ELAVL1: variants seen among roughly 807,000 people sequenced by gnomAD.
The protein encoded by ELAVL1 is ELAV like RNA binding protein 1.
Under a neutral mutation model 28.4 loss-of-function variants are expected in ELAVL1, and 1 was observed. The observed-to-expected ratio is 0.04, with a 90% CI of 0.01 to 0.17. The LOEUF (loss-of-function observed/expected upper bound fraction) is 0.17. Among genes scored for constraint, ELAVL1 ranks in the 10% least tolerant of loss-of-function variants. ELAVL1 has a pLI of 1.00. For synonymous variants in ELAVL1, 174 were observed against 183.5 expected (o/e 0.95, Z 0.42); for missense variants, 157 against 447.2 (o/e 0.35, Z 5.85).
At chr19:8,003,355 C>CAAAAAAAAA (rs71165248) in intron 1 of ELAVL1, among the ~76,000 whole-genome samples, 3 of 61,076 alleles carry the variant, frequency 4.9e-5, no homozygotes, top group African/African-American at 1.4e-4. Context: ...GAAACTGTCT[C>CAAAAAAAAA]AAAAAAAAAA....
chr19:7,983,886 C>T (rs905244490), intron 2 of ELAVL1, among the ~76,000 whole-genome samples: 2 of 152,088 alleles, frequency 1.3e-5, no homozygotes, highest in African/African-American at 2.4e-5. Flanking sequence ...CAGGATGTGT[C>T]CCCTGAGCTT....
intron 1 of ELAVL1, chr19:8,001,925 G>C: frequency 1.7e-6 from 1 of 583,610 alleles, no homozygotes; most frequent in Non-Finnish European, 2.8e-6. Flanking sequence ...ACCCTCAAGC[G>C]GTTCAGCCAT....
chr19:7,968,312 A>G (rs1462625722), intron 4 of ELAVL1, among the ~76,000 whole-genome samples: 1 of 152,172 alleles, frequency 6.6e-6, no homozygotes, highest in Non-Finnish European at 1.5e-5. Context: ...AAAGGTGCCC[A>G]GCTCAGCCTG....
Position 7,982,151 on chromosome 19 carries a change from C to A in ELAVL1, c.173-965G>T, listed in dbSNP as rs1017019830. Among the ~76,000 whole-genome samples, 2 of 152,206 alleles carry A rather than the reference C, an allele frequency of 1.3e-5. No homozygotes were observed. Among genetic ancestry groups the A allele is most frequent in the African/African-American group, 4.8e-5 (2 of 41,446 alleles). ...TGGGAGGGACTCGGGAGGGCAAGGG[C>A]AGGACCAGAGGGGACAGCCTCTGGG... On this transcript the variant is annotated intron_variant, in intron 2 of 5. Transcript: ENST00000407627. This position sits in a 1 kb window ranked among gnomAD's most constrained non-coding sequence, Gnocchi z 4.3.
chr19:7,963,531 C>T lies in ELAVL1; in HGVS notation c.933G>A (p.Gly311=). ...AIASLNGYRL[G]DKILQVSFKT... is the part of the protein sequence containing the mutation. ...TGAAGGAAACCTGTAAGATTTTGTCCCCCAGGCGGTAGCCGTTCAGGCTGG... is the reference window on the plus strand; with the variant it reads ...TGAAGGAAACCTGTAAGATTTTGTCTCCCAGGCGGTAGCCGTTCAGGCTGG... The change falls in exon 6 of 6, where the codon GGG becomes GGA. Residue 311 remains glycine, a synonymous_variant. Coordinates refer to ENST00000407627, the MANE Select transcript of ELAVL1 (RefSeq NM_001419.3). This position sits in a 1 kb window ranked among gnomAD's most constrained non-coding sequence, Gnocchi z 4.5. The T allele has an allele frequency of 6.2e-7, 1 of 1,613,496 alleles. No individual in the cohort carries two copies. Among genetic ancestry groups the T allele is most frequent in the Non-Finnish European group, 8.5e-7 (1 of 1,179,408 alleles).
At chr19:7,971,528 C>T (rs1985111066) in intron 4 of ELAVL1, among the ~76,000 whole-genome samples, 1 of 152,254 alleles carries the variant, frequency 6.6e-6, no homozygotes, top group Non-Finnish European at 1.5e-5. Context: ...ATTCGCTCAG[C>T]TGGCACTTAA....
In ELAVL1 at chr19:7,963,842, A is replaced by C. The variant is rs753508280; in HGVS notation, c.657-35T>G. 2 of 1,596,684 alleles carry C rather than the reference A, an allele frequency of 1.3e-6. No homozygotes were observed. Among genetic ancestry groups the C allele is most frequent in the African/African-American group, 2.7e-5 (2 of 74,542 alleles). On this transcript the variant is annotated intron_variant, in intron 5 of 5. Transcript: ENST00000407627. This position sits in a 1 kb window ranked among gnomAD's most constrained non-coding sequence, Gnocchi z 4.5. Reference sequence around the variant, plus strand: ...AGAGAGCAAGCGTCAGGCCACGGTCAGCGCAGGCGGCCTGGGGATGGGGCA... The same window carrying C: ...AGAGAGCAAGCGTCAGGCCACGGTCCGCGCAGGCGGCCTGGGGATGGGGCA...
At chr19:7,984,921 G>A (rs142712279) in intron 2 of ELAVL1, among the ~76,000 whole-genome samples, 4 of 152,324 alleles carry the variant, frequency 2.6e-5, no homozygotes, top group Non-Finnish European at 5.9e-5. Flanking sequence ...CAGAAAAGGA[G>A]GAGGTGGGGG....
chr19:8,000,555 G>T (rs920831989), intron 1 of ELAVL1, among the ~76,000 whole-genome samples: 2 of 152,180 alleles, frequency 1.3e-5, no homozygotes, highest in African/African-American at 4.8e-5. Context: ...ATCTGACAGG[G>T]CTTGGACCCA....
intron 2 of ELAVL1, among the ~76,000 whole-genome samples, chr19:7,987,985 C>T (rs995596152): frequency 3.3e-5 from 5 of 152,204 alleles, no homozygotes; most frequent in Admixed American, 3.3e-4. Context: ...GGCCCCTCTG[C>T]TGCAGTGAGG....
At chr19:8,001,261 G>A (rs1219338593) in intron 1 of ELAVL1, among the ~76,000 whole-genome samples, 1 of 151,886 alleles carries the variant, frequency 6.6e-6, no homozygotes, top group East Asian at 1.9e-4. Flanking sequence ...TCTTCAAACC[G>A]CCTCCGCCCC....
intron 1 of ELAVL1, among the ~76,000 whole-genome samples, chr19:8,000,875 C>A (rs900956282): frequency 6.6e-6 from 1 of 152,260 alleles, no homozygotes; most frequent in Admixed American, 6.5e-5. Context: ...CCAGTCCAGG[C>A]ACCCCACAGC....
At chr19:7,998,670 T>TGG (rs779625106) in intron 1 of ELAVL1, among the ~76,000 whole-genome samples, 1 of 152,096 alleles carries the variant, frequency 6.6e-6, no homozygotes, top group African/African-American at 2.4e-5. Flanking sequence ...TTTAAAGAGA[T>TGG]GGGGGTCTCT....
At chr19:7,985,190 G>A (rs1235712899) in intron 2 of ELAVL1, among the ~76,000 whole-genome samples, 1 of 152,254 alleles carries the variant, frequency 6.6e-6, no homozygotes, top group Non-Finnish European at 1.5e-5. Flanking sequence ...AAAGTGCTGG[G>A]ATTATAGGCG....
intron 2 of ELAVL1, among the ~76,000 whole-genome samples, chr19:7,983,806 T>C (rs751727519): frequency 5.9e-5 from 9 of 152,094 alleles, no homozygotes; most frequent in Non-Finnish European, 1.3e-4. Context: ...AAGTCCCTGC[T>C]TCCTCATCTC....
rs545503223 is a variant in ELAVL1 at position 7,976,992 on chromosome 19, T to C, written c.277-3114A>G. Among the ~76,000 whole-genome samples the C allele has an allele frequency of 2.6e-5, 4 of 152,118 alleles. No individual in the cohort carries two copies. The East Asian group carries it at 7.7e-4, about 29-fold the overall frequency. On this transcript the variant is annotated intron_variant, in intron 3 of 5. Transcript: ENST00000407627. ...CATGCACCACCCTGCCTGGCATCTA[T>C]TTTACTTATTTAACTTTTAACTTTG...
In ELAVL1 at chr19:7,981,435, G is replaced by T. The variant is rs556040086; in HGVS notation, c.173-249C>A. Reference sequence around the variant, plus strand: ...TCCAGCGCTGTGATCACAGCTCACCGCCACCTCAAATTCTTGGGCTCAAGA... The same window carrying T: ...TCCAGCGCTGTGATCACAGCTCACCTCCACCTCAAATTCTTGGGCTCAAGA... On this transcript the variant is annotated intron_variant, in intron 2 of 5. Coordinates refer to ENST00000407627, the MANE Select transcript of ELAVL1 (RefSeq NM_001419.3). The surrounding 1 kb of genome is among the most constrained non-coding windows in gnomAD (Gnocchi z 4.2). 6.7e-6 allele frequency among the ~76,000 whole-genome samples: 1 copy of T among 148,542 alleles called. No individual in the cohort carries two copies. The highest frequency in any genetic ancestry group is 2.0e-4 in the East Asian group (1 of 4,970).
In ELAVL1 at chr19:7,966,086, C is replaced by T. The variant is rs114568281; in HGVS notation, c.656+1479G>A. Among the ~76,000 whole-genome samples, 439 of 152,178 alleles carry T rather than the reference C, an allele frequency of 2.9e-3. 5 individuals are homozygous for T. The highest frequency in any genetic ancestry group is 9.3e-3 in the African/African-American group (386 of 41,516). ...CGGGCTCACGCCTATAATCCCAGTA[C>T]GTTGGGAGGCTGAGGTAGGAGGATC... On this transcript the variant is annotated intron_variant, in intron 5 of 5. Transcript: ENST00000407627.
rs1285038407 is a variant in ELAVL1, at chr19:7,979,132, C to T, written c.276+1951G>A. 1.3e-5 allele frequency among the ~76,000 whole-genome samples: 2 copies of T among 152,202 alleles called. No homozygotes were observed. Among genetic ancestry groups the T allele is most frequent in the African/African-American group, 2.4e-5 (1 of 41,452 alleles). The stretch of plus-strand genomic sequence containing the variant: ...TAGAGGAGCCAGGCCCAGGGAGCCT[C>T]GGGGAGACCTGGGGAGAAATTACTT... On this transcript the variant is annotated intron_variant, in intron 3 of 5. Transcript: ENST00000407627. The surrounding 1 kb of genome is among the most constrained non-coding windows in gnomAD (Gnocchi z 5.4).
Sources: gnomAD v4.1 joint callset for allele counts (sites outside exome capture counted in the v4.1 genomes callset) on GRCh38, gnomAD v4.1.1 for gene constraint, Gnocchi (gnomAD v3.1) non-coding constraint, MANE v1.5 for transcripts, NCBI Gene and HGNC (gene_info 2026-07-23, HGNC 2026-07-21) for gene names.